Variants in CUL9 observed in about 807,000 individuals in gnomAD.
The protein encoded by CUL9 is cullin-9.
A neutral mutation model predicts 272.6 loss-of-function variants in CUL9; 79 were observed. The observed-to-expected ratio is 0.29, with a 90% CI of 0.24 to 0.35. The LOEUF is 0.35. Among genes scored for constraint, CUL9 ranks in the 10% least tolerant of loss-of-function variants. CUL9 has a pLI of 1.00. For missense variants in CUL9, 2,532 were observed against 3,255.6 expected (o/e 0.78, Z 5.41); for synonymous variants, 1,186 against 1,286.5 (o/e 0.92, Z 1.67).
At chr6:43,196,048 G>A (rs763070250) in intron 9 of CUL9, 21 bp from the exon 10 acceptor site, 19 of 1,600,192 alleles carry the variant, frequency 1.2e-5, no homozygotes, top group Middle Eastern at 1.7e-4. Flanking sequence ...TCCTCACTCT[G>A]CTTTCACATC....
intron 26 of CUL9, among the ~76,000 whole-genome samples, chr6:43,212,324 A>C (rs960838651): frequency 4.6e-5 from 7 of 152,170 alleles, no homozygotes; most frequent in Admixed American, 2.0e-4. Flanking sequence ...TCAGCTTTTC[A>C]CCAGGCAGGC....
chr6:43,191,857 T>A (rs1340342357), intron 8 of CUL9, among the ~76,000 whole-genome samples: 2 of 151,638 alleles, frequency 1.3e-5, no homozygotes, highest in Non-Finnish European at 2.9e-5. Flanking sequence ...AGTGCTGGGA[T>A]TACAGGTGTG....
At position 43,196,120 on chromosome 6, in the gene CUL9, A is replaced by G; in HGVS notation, c.2440A>G (p.Thr814Ala). The change falls in exon 10 of 41, where the codon ACT (threonine) becomes GCT (alanine). Residue 814 changes from threonine (T) to alanine (A), a missense_variant. Coordinates refer to ENST00000252050, the MANE Select transcript of CUL9 (RefSeq NM_015089.4). ...ASSSEIPTFV[T>A]GRDSIHSLFD... ...CTCCTCGGAGATCCCCACTTTTGTT[A>G]CTGGCCGAGATTCTATCCACTCTTT... 2 of 1,613,954 alleles carry G rather than the reference A, an allele frequency of 1.2e-6. No homozygotes were observed. The highest frequency in any genetic ancestry group is 1.7e-6 in the Non-Finnish European group (2 of 1,179,942).
Position 43,204,240 on chromosome 6 carries a change from G to C in CUL9, c.4160-120G>C. Reference sequence around the variant, plus strand: ...CTGAAACAAACCTTGGTGAGGGGAGGACTAGGGCCCCACTACCCCTCAAGC... The same window carrying C: ...CTGAAACAAACCTTGGTGAGGGGAGCACTAGGGCCCCACTACCCCTCAAGC... On this transcript the variant is annotated intron_variant, in intron 20 of 40. Coordinates refer to ENST00000252050, the MANE Select transcript of CUL9 (RefSeq NM_015089.4). 3.2e-6 allele frequency: 4 copies of C among 1,250,478 alleles called. No individual in the cohort carries two copies. The South Asian group carries it at 5.6e-5, about 17-fold the overall frequency. The allele number at this position is 1,250,478 out of a possible 1,614,324, so 77.5% of individuals were successfully genotyped here.
intron 31 of CUL9, among the ~76,000 whole-genome samples, chr6:43,217,134 T>C (rs1035806054): frequency 2.0e-5 from 3 of 152,134 alleles, no homozygotes; most frequent in African/African-American, 7.2e-5. Context: ...TGTAGGCAGA[T>C]TGCTTGAGCC....
At position 43,187,846 on chromosome 6, in the gene CUL9, A is replaced by G. The variant is rs764934059; in HGVS notation, c.1715A>G (p.Tyr572Cys). ...CTCAACTCCCAGATCTACACCAAGT[A>G]TGGGCTGCTGTCTAATGAACCAAGC... ...DLLNSQIYTK[Y>C]GLLSNEPSSS... The change falls in exon 7 of 41, where the codon TAT (tyrosine) becomes TGT (cysteine). Residue 572 changes from tyrosine to cysteine, a missense_variant. Coordinates refer to ENST00000252050, the MANE Select transcript of CUL9 (RefSeq NM_015089.4). 3.7e-6 allele frequency: 6 copies of G among 1,614,072 alleles called. 1 individual carries two copies. The South Asian group carries it at 5.5e-5, about 15-fold the overall frequency.
chr6:43,184,910 GAGAC>G lies in CUL9; in HGVS notation c.595+8_595+11del. The stretch of plus-strand genomic sequence containing the variant: ...CTCTGGCAGCCCACGATGCTGGTAA[GAGAC>G]AGCCAGGGAAGAAGGAAAGGAATGG... On this transcript the variant is annotated splice_donor_region_variant and intron_variant, in intron 2 of 40. Coordinates refer to ENST00000252050, the MANE Select transcript of CUL9 (RefSeq NM_015089.4). This position sits in a 1 kb window ranked among gnomAD's most constrained non-coding sequence, Gnocchi z 4.8. The G allele has an allele frequency of 6.3e-7, 1 of 1,580,316 alleles. No homozygotes were observed. The highest frequency in any genetic ancestry group is 8.6e-7 in the Non-Finnish European group (1 of 1,164,232).
chr6:43,185,308 G>A (rs1772804712), intron 2 of CUL9, 148 bp from the exon 3 acceptor site: 2 of 780,652 alleles, frequency 2.6e-6, no homozygotes, highest in Non-Finnish European at 4.0e-6. Context: ...ATGTATGTTT[G>A]TAACAGGTTA....
chr6:43,190,817 T>C (rs1256860305), intron 8 of CUL9, among the ~76,000 whole-genome samples: 1 of 152,234 alleles, frequency 6.6e-6, no homozygotes, highest in Non-Finnish European at 1.5e-5. Context: ...ACCTCCTCAG[T>C]TGGCCTCACT....
Position 43,216,275 on chromosome 6 carries a change from C to T in CUL9, c.6054C>T (p.Asn2018=), listed in dbSNP as rs1775923659. 3.1e-6 allele frequency: 5 copies of T among 1,613,900 alleles called. No individual in the cohort carries two copies. The highest frequency in any genetic ancestry group is 1.3e-5 in the African/African-American group (1 of 74,922). ...QTVRQVQETL[N]LEPDVAQHLL... ...TGCGTCAGGTGCAGGAGACGCTGAA[C>T]TTAGAGCCAGATGTCGCTCAGCACC... Residue 2018 remains asparagine, a synonymous_variant, in exon 31 of 41, where the codon AAC becomes AAT. Transcript: ENST00000252050.
At position 43,221,330 on chromosome 6, in the gene CUL9, G is replaced by T; in HGVS notation, c.6752+9G>T. 1 of 1,600,114 alleles carries T rather than the reference G, an allele frequency of 6.2e-7. No homozygotes were observed. Among genetic ancestry groups the T allele is most frequent in the East Asian group, 2.2e-5 (1 of 44,714 alleles). On this transcript the variant is annotated intron_variant, in intron 34 of 40. Transcript: ENST00000252050. This position sits in a 1 kb window ranked among gnomAD's most constrained non-coding sequence, Gnocchi z 4.2. Reference sequence around the variant, plus strand: ...AACGAGGGGTGCCTGCAGTAAGAAGGGGGGTACTGTGGGGAGCCAGAGGGC... The same window carrying T: ...AACGAGGGGTGCCTGCAGTAAGAAGTGGGGTACTGTGGGGAGCCAGAGGGC...
In CUL9 at chr6:43,186,005, G is replaced by A. The variant is rs761776844; in HGVS notation, c.801G>A (p.Thr267=). The A allele has an allele frequency of 1.3e-5, 21 of 1,613,878 alleles. No individual in the cohort carries two copies. Among genetic ancestry groups the A allele is most frequent in the Admixed American group, 1.0e-4 (6 of 59,986 alleles). ...FSLVKRYLCV[T]SLLDQLNSSP... ...TGGTGAAGCGCTACCTTTGTGTCACGTCCCTCCTGGATCAGCTGAATAGCA... is the reference window on the plus strand; with the variant it reads ...TGGTGAAGCGCTACCTTTGTGTCACATCCCTCCTGGATCAGCTGAATAGCA... Residue 267 remains threonine, a synonymous_variant, in exon 4 of 41, where the codon ACG becomes ACA. Coordinates refer to ENST00000252050, the MANE Select transcript of CUL9 (RefSeq NM_015089.4).
Position 43,223,211 on chromosome 6 carries a change from G to A in CUL9, c.7151-53G>A. ...GTTCCATAGGTGTTTGTTGGAGGAA[G>A]GAATGGATGAGAATGAGAAGGGAGG... On this transcript the variant is annotated intron_variant, in intron 38 of 40. Coordinates refer to ENST00000252050, the MANE Select transcript of CUL9 (RefSeq NM_015089.4). The surrounding 1 kb of genome is among the most constrained non-coding windows in gnomAD (Gnocchi z 4.1). 1 of 1,545,580 alleles carries A rather than the reference G, an allele frequency of 6.5e-7. No individual in the cohort carries two copies. The highest frequency in any genetic ancestry group is 8.8e-7 in the Non-Finnish European group (1 of 1,139,844).
Position 43,198,806 on chromosome 6 carries a change from A to G in CUL9, c.3001A>G (p.Thr1001Ala). The G allele has an allele frequency of 6.2e-7, 1 of 1,613,654 alleles. No homozygotes were observed. Among genetic ancestry groups the G allele is most frequent in the Non-Finnish European group, 8.5e-7 (1 of 1,180,012 alleles). ...CCAGCCTTTCCTCCTGTTGCTGCGGACTCTGGATGCTCCGGGGCCCAACAA... is the reference window on the plus strand; with the variant it reads ...CCAGCCTTTCCTCCTGTTGCTGCGGGCTCTGGATGCTCCGGGGCCCAACAA... ...ETQPFLLLLRTLDAPGPNKTL... is the reference protein window; with the variant it reads ...ETQPFLLLLRALDAPGPNKTL... Residue 1001 changes from threonine (T) to alanine (A), a missense_variant, in exon 12 of 41, where the codon ACT becomes GCT. Transcript: ENST00000252050.
chr6:43,203,636 A>T lies in CUL9; in HGVS notation c.4025+44A>T, dbSNP rs1774810966. ...GGGAAGATGGGTAAGGGAACAGGAC[A>T]CTGTGAGAAGTAGGAGGGATGCTCC... On this transcript the variant is annotated intron_variant, in intron 19 of 40. Coordinates refer to ENST00000252050, the MANE Select transcript of CUL9 (RefSeq NM_015089.4). The surrounding 1 kb of genome is among the most constrained non-coding windows in gnomAD (Gnocchi z 5.0). 6.3e-7 allele frequency: 1 copy of T among 1,590,256 alleles called. No individual in the cohort carries two copies. Among genetic ancestry groups the T allele is most frequent in the Non-Finnish European group, 8.6e-7 (1 of 1,167,012 alleles).
rs180792663 is a variant in CUL9, at chr6:43,187,330, T to A, written c.1472T>A (p.Val491Glu). 101 of 1,613,780 alleles carry A rather than the reference T, an allele frequency of 6.3e-5. No homozygotes were observed. The African/African-American group carries it at 1.3e-3, about 20-fold the overall frequency. Residue 491 changes from valine (V) to glutamate (E), a missense_variant, in exon 6 of 41, where the codon GTG (valine) becomes GAG (glutamate). Transcript: ENST00000252050. ...CCCGAACCTCAGAAGAATGAGAGAGTGGGATATCTGACCCAGGCTGAATGG... is the reference window on the plus strand; with the variant it reads ...CCCGAACCTCAGAAGAATGAGAGAGAGGGATATCTGACCCAGGCTGAATGG... The part of the protein sequence containing the change: ...LQPEPQKNER[V>E]GYLTQAEWWE...
chr6:43,216,442 T>A lies in CUL9; in HGVS notation c.6221T>A (p.Val2074Glu). The change falls in exon 31 of 41, where the codon GTG becomes GAG. Residue 2074 changes from valine (V) to glutamate (E), a missense_variant. This residue lies in a region of CUL9 where 2,218 missense variants were observed against 2,788.6 expected (regional missense o/e 0.80). Transcript: ENST00000252050. The stretch of plus-strand genomic sequence containing the variant: ...CGGCCTGACCACTGCCCCGTCTGTG[T>A]GAGCCCCCTGGGGTGTGACGACGAC... ...PVRPDHCPVC[V>E]SPLGCDDDLP... 6.2e-7 allele frequency: 1 copy of A among 1,611,240 alleles called. No homozygotes were observed. Among genetic ancestry groups the A allele is most frequent in the Non-Finnish European group, 8.5e-7 (1 of 1,177,714 alleles).
chr6:43,220,844 G>C lies in CUL9; in HGVS notation c.6521G>C (p.Gly2174Ala). Residue 2174 changes from glycine (G) to alanine (A), a missense_variant, in exon 33 of 41, where the codon GGC (glycine) becomes GCC (alanine). Physicochemically the swap from Gly to Ala is moderately conservative, Grantham distance 60. Transcript: ENST00000252050. The surrounding 1 kb of genome is among the most constrained non-coding windows in gnomAD (Gnocchi z 4.9). ...TGCGACCGCATCCTGTGCCGCCAGG[G>C]CCTGGGCTGTGGGACCACCTGCTCC... ...QGCDRILCRQ[G>A]LGCGTTCSKC... 1.2e-6 allele frequency: 2 copies of C among 1,613,668 alleles called. No individual in the cohort carries two copies. The highest frequency in any genetic ancestry group is 1.1e-5 in the South Asian group (1 of 91,072).
intron 10 of CUL9, 163 bp downstream of exon 10, chr6:43,196,428 A>T: frequency 2.5e-6 from 2 of 797,742 alleles, no homozygotes; most frequent in Non-Finnish European, 3.9e-6. Flanking sequence ...ACCCAAGTGG[A>T]TTGGGGATAG....
Sources: gnomAD v4.1 joint callset for allele counts (sites outside exome capture counted in the v4.1 genomes callset) on GRCh38, gnomAD v4.1.1 for gene constraint, gnomAD v4.1.1 regional missense constraint, Gnocchi (gnomAD v3.1) non-coding constraint, MANE v1.5 for transcripts, NCBI Gene and HGNC (gene_info 2026-07-23, HGNC 2026-07-21) for gene names.